The following RASA2 variants were observed in gnomAD, a reference collection of about 807,000 sequenced individuals.
RASA2 encodes the protein RAS p21 protein activator 2.
In RASA2, 155 loss-of-function variants were observed where a neutral mutation model predicts 118.2. That is an observed-to-expected ratio of 1.31 (90% CI 1.15 to 1.50). The LOEUF is 1.50. Ranked by LOEUF, RASA2 falls within the 40% of genes most tolerant of loss-of-function variation. The probability of loss-of-function intolerance (pLI) is 0.00; values close to 1 mark genes in which losing one functional copy is unlikely to be tolerated. For missense variants in RASA2, 1,016 were observed against 1,009.6 expected, an observed-to-expected ratio of 1.01 and a Z score of -0.09; for synonymous variants, 353 against 349.1, an observed-to-expected ratio of 1.01 and a Z score of -0.12.
In RASA2 at chr3:141,607,855, A is replaced by G. The variant is rs73871842; in HGVS notation, c.2016+95A>G. On this transcript the variant is annotated intron_variant, in intron 20 of 23. Coordinates refer to ENST00000286364, the MANE Select transcript of RASA2 (RefSeq NM_006506.5). The stretch of plus-strand genomic sequence containing the variant: ...GTATTTGTTAATACCTTGTATTTGT[A>G]TCACCTATTACTTAGATATTTGTAT... 3,409 of 1,275,840 alleles carry G rather than the reference A, an allele frequency of 2.7e-3. 69 individuals are homozygous for G. The African/African-American group carries it at 0.048, about 18-fold the overall frequency. 79.0% of individuals were successfully genotyped at this position (1,275,840 alleles called of 1,614,324 possible).
In RASA2 at chr3:141,558,867, T is replaced by G. The variant is rs1339669772; in HGVS notation, c.685-19T>G. ...GTATTTTTTTAAAAAAAATTTTTACTAAAATATTTTGTTTACAGGTAACCA... is the reference window on the plus strand; with the variant it reads ...GTATTTTTTTAAAAAAAATTTTTACGAAAATATTTTGTTTACAGGTAACCA... On this transcript the variant is annotated intron_variant, in intron 7 of 23. Transcript: ENST00000286364. 2.6e-6 allele frequency: 4 copies of G among 1,551,172 alleles called. No homozygotes were observed. Among genetic ancestry groups the G allele is most frequent in the Non-Finnish European group, 3.5e-6 (4 of 1,128,816 alleles).
chr3:141,543,876 C>CTTTTTTTTTTTTTTTTTTTTTTTTT (rs529631210), intron 5 of RASA2, among the ~76,000 whole-genome samples: 5 of 117,318 alleles, frequency 4.3e-5, no homozygotes, highest in African/African-American at 6.5e-5. Context: ...TTTCTTTTTT[C>CTTTTTTTTTTTTTTTTTTTTTTTTT]TTTTTTTTTT....
At chr3:141,525,548 A>G (rs1437823544) in intron 3 of RASA2, among the ~76,000 whole-genome samples, 1 of 147,642 alleles carries the variant, frequency 6.8e-6, no homozygotes, top group Non-Finnish European at 1.5e-5. Flanking sequence ...GCTCATGTCT[A>G]TAACCCCAGC....
At chr3:141,546,067 T>C (rs569939571) in intron 5 of RASA2, among the ~76,000 whole-genome samples, 1 of 152,326 alleles carries the variant, frequency 6.6e-6, no homozygotes, top group East Asian at 1.9e-4. Context: ...AGTACTCCAT[T>C]ATGTATATAT....
intron 1 of RASA2, among the ~76,000 whole-genome samples, chr3:141,493,427 G>A (rs1339090009): frequency 1.3e-5 from 2 of 152,132 alleles, no homozygotes; most frequent in Non-Finnish European, 2.9e-5. Context: ...ACCATCACCT[G>A]TGAACTAAAA....
intron 19 of RASA2, among the ~76,000 whole-genome samples, chr3:141,604,565 T>A (rs2083517225): frequency 6.6e-6 from 1 of 152,196 alleles, no homozygotes; most frequent in Admixed American, 6.5e-5. Flanking sequence ...CTTTTTACAT[T>A]ATGTTTTAAT....
intron 1 of RASA2, among the ~76,000 whole-genome samples, chr3:141,506,528 T>C (rs75313632): frequency 0.022 from 3,378 of 152,330 alleles, 130 homozygotes; most frequent in African/African-American, 0.076. Context: ...TTTATTCTTA[T>C]TAATTTAGGG....
intron 16 of RASA2, 139 bp from the exon 17 acceptor site, chr3:141,580,961 C>A (rs1229305569): frequency 4.6e-6 from 4 of 870,512 alleles, no homozygotes; most frequent in Admixed American, 8.7e-5. Flanking sequence ...TGAAAGAAGT[C>A]TTCCACTCCA....
intron 19 of RASA2, among the ~76,000 whole-genome samples, chr3:141,592,062 A>G (rs78017974): frequency 0.027 from 4,069 of 152,194 alleles, 191 homozygotes; most frequent in African/African-American, 0.094. Context: ...AAGACAATAA[A>G]CAGTAAAAAA....
chr3:141,573,980 A>G lies in RASA2; in HGVS notation c.1396A>G (p.Thr466Ala). ...CTACTATGTAGACAAGTTATTCAAT[A>G]CAATTGTAAAATCAAGTATGAGCTG... ...LRYYVDKLFN[T>A]IVKSSMSCPT... The change falls in exon 14 of 24, where the codon ACA becomes GCA. Residue 466 changes from threonine (T) to alanine (A), a missense_variant. Coordinates refer to ENST00000286364, the MANE Select transcript of RASA2 (RefSeq NM_006506.5). 6.3e-7 allele frequency: 1 copy of G among 1,590,050 alleles called. No individual in the cohort carries two copies. The highest frequency in any genetic ancestry group is 1.3e-5 in the African/African-American group (1 of 74,116).
chr3:141,491,133 C>T (rs923075900), intron 1 of RASA2, among the ~76,000 whole-genome samples: 2 of 152,254 alleles, frequency 1.3e-5, no homozygotes, highest in Non-Finnish European at 2.9e-5. Flanking sequence ...GCTCACTTAT[C>T]TTGAAGCTTA....
At chr3:141,535,035 C>T (rs912246095) in intron 4 of RASA2, among the ~76,000 whole-genome samples, 2 of 152,130 alleles carry the variant, frequency 1.3e-5, no homozygotes, top group Admixed American at 6.6e-5. Flanking sequence ...TTCACTGTGT[C>T]GTGCTTCACA....
intron 19 of RASA2, among the ~76,000 whole-genome samples, chr3:141,601,428 G>C (rs1012889752): frequency 1.3e-5 from 2 of 150,924 alleles, no homozygotes; most frequent in African/African-American, 4.9e-5. Flanking sequence ...GAGAGAGACT[G>C]TCTCCACTGT....
At position 141,612,387 on chromosome 3, in the gene RASA2, G is replaced by C. The variant is rs2083666553; in HGVS notation, c.*74G>C. On this transcript the variant is annotated 3_prime_UTR_variant, in exon 24 of 24. Transcript: ENST00000286364. ...AGCTTTTCAATTCATCATGTATTTT[G>C]TTCATGGTATTTAAGAATGAGCATC... 7.9e-7 allele frequency: 1 copy of C among 1,264,714 alleles called. No individual in the cohort carries two copies. The highest frequency in any genetic ancestry group is 1.1e-6 in the Non-Finnish European group (1 of 898,834). 78.3% of individuals were successfully genotyped at this position (1,264,714 alleles called of 1,614,324 possible). A position where few individuals can be genotyped will look rare whatever the true frequency, so the allele number is the denominator to read the frequency against.
chr3:141,572,763 A>C, intron 12 of RASA2, 40 bp downstream of exon 12: 1 of 1,414,942 alleles, frequency 7.1e-7, no homozygotes, highest in Non-Finnish European at 9.8e-7. Context: ...TTGTGGCCTT[A>C]TGATAGTTGT....
intron 19 of RASA2, among the ~76,000 whole-genome samples, chr3:141,594,417 A>G (rs1019906542): frequency 6.6e-6 from 1 of 152,090 alleles, no homozygotes; most frequent in Non-Finnish European, 1.5e-5. Context: ...GTGAAACAGT[A>G]TCTTATAGAT....
chr3:141,602,730 A>G (rs1000613768), intron 19 of RASA2, among the ~76,000 whole-genome samples: 1 of 152,180 alleles, frequency 6.6e-6, no homozygotes, highest in African/African-American at 2.4e-5. Flanking sequence ...GTGGTCAACA[A>G]ATGAATTGAG....
rs149476319 is a variant in RASA2, at chr3:141,572,344, G to A, written c.1170-265G>A. On this transcript the variant is annotated intron_variant, in intron 11 of 23. Coordinates refer to ENST00000286364, the MANE Select transcript of RASA2 (RefSeq NM_006506.5). ...TGACTTCAAGCGATCCACCTGCTTCGGACCCCCAAAGTGATGGGATAACAG... is the reference window on the plus strand; with the variant it reads ...TGACTTCAAGCGATCCACCTGCTTCAGACCCCCAAAGTGATGGGATAACAG... Among the ~76,000 whole-genome samples the A allele has an allele frequency of 2.1e-3, 315 of 152,030 alleles. 5 individuals carry two copies. Among genetic ancestry groups the A allele is most frequent in the African/African-American group, 2.8e-3 (118 of 41,462 alleles).
intron 2 of RASA2, among the ~76,000 whole-genome samples, chr3:141,514,280 C>T (rs910975463): frequency 2.0e-5 from 3 of 152,074 alleles, no homozygotes; most frequent in Non-Finnish European, 4.4e-5. Flanking sequence ...AAAGATATGG[C>T]CAAGAGCACA....
Sources: allele counts gnomAD v4.1 joint callset (sites outside exome capture counted in the v4.1 genomes callset), GRCh38; gene constraint gnomAD v4.1.1; transcripts MANE v1.5; gene names NCBI Gene and HGNC (gene_info 2026-07-23, HGNC 2026-07-21).